IGF2BP1: variants seen among roughly 807,000 people sequenced by gnomAD.
IGF2BP1 encodes the protein insulin-like growth factor 2 mRNA-binding protein 1.
IGF2BP1 carries 11 observed loss-of-function variants against 74.9 expected under a neutral mutation model. The ratio of observed to expected loss-of-function variants is 0.15; its 90% CI spans 0.09 to 0.24. IGF2BP1 has a LOEUF of 0.24. Ranked by LOEUF, IGF2BP1 falls within the 10% of genes least tolerant of loss-of-function variation. The pLI, the probability that IGF2BP1 is intolerant of heterozygous loss-of-function variation, is 1.00. For synonymous variants in IGF2BP1, 287 were observed against 281.8 expected (o/e 1.02, Z -0.18); for missense variants, 440 against 757.4 (o/e 0.58, Z 4.92).
intron 4 of IGF2BP1, among the ~76,000 whole-genome samples, chr17:49,029,172 T>C (rs1393133760): frequency 1.3e-5 from 2 of 152,214 alleles, no homozygotes; most frequent in Non-Finnish European, 2.9e-5. Flanking sequence ...GCTTATTTAT[T>C]ATGCTTATTG....
intron 2 of IGF2BP1, among the ~76,000 whole-genome samples, chr17:49,020,292 T>G (rs2041776493): frequency 6.6e-6 from 1 of 151,974 alleles, no homozygotes; most frequent in Non-Finnish European, 1.5e-5. Flanking sequence ...CCCACCCACC[T>G]CGGTCTCCCA....
chr17:49,011,930 T>TA (rs1293035121), intron 2 of IGF2BP1, among the ~76,000 whole-genome samples: 3 of 130,530 alleles, frequency 2.3e-5, no homozygotes, highest in Admixed American at 1.7e-4. Flanking sequence ...TTTTGGGAGA[T>TA]AGAGTCTTGC....
intron 3 of IGF2BP1, 106 bp downstream of exon 3, chr17:49,025,772 G>T: frequency 1.1e-6 from 1 of 910,758 alleles, no homozygotes; most frequent in East Asian, 2.5e-5. Flanking sequence ...CTGGGGCCAG[G>T]CTAGGGAGGC....
At position 49,005,192 on chromosome 17, in the gene IGF2BP1, A is replaced by G. The variant is rs147021446; in HGVS notation, c.236+6023A>G. 1.5e-3 allele frequency among the ~76,000 whole-genome samples: 227 copies of G among 152,358 alleles called. 1 individual carries two copies. In the Middle Eastern group the frequency reaches 0.02, roughly 14 times the overall value. Reference sequence around the variant, plus strand: ...CTTTTGCTCTAACCATAGTTGACTGACAAAATATATGTTGATTACAGGTAA... The same window carrying G: ...CTTTTGCTCTAACCATAGTTGACTGGCAAAATATATGTTGATTACAGGTAA... On this transcript the variant is annotated intron_variant, in intron 2 of 14. Coordinates refer to ENST00000290341, the MANE Select transcript of IGF2BP1 (RefSeq NM_006546.4).
chr17:49,046,152 C>T, intron 13 of IGF2BP1, 108 bp from the exon 14 acceptor site: 1 of 1,437,604 alleles, frequency 7.0e-7, no homozygotes, highest in Non-Finnish European at 9.7e-7. Flanking sequence ...TCCCCAAGCT[C>T]AGGTCCTGAC....
At chr17:49,011,149 A>C (rs1268887812) in intron 2 of IGF2BP1, among the ~76,000 whole-genome samples, 86 of 146,934 alleles carry the variant, frequency 5.9e-4, no homozygotes, top group South Asian at 1.1e-3. Flanking sequence ...AAAAAAAAAA[A>C]AAAAAAAAAA....
chr17:49,029,437 C>T (rs768542923), intron 4 of IGF2BP1, among the ~76,000 whole-genome samples: 3 of 152,220 alleles, frequency 2.0e-5, no homozygotes, highest in Non-Finnish European at 4.4e-5. Context: ...ACTCTGATTA[C>T]GCCACTGTAC....
chr17:49,026,703 GCCTTCCTGCCTTCCTGCCTGCCTT>G (rs1457155275), intron 4 of IGF2BP1, among the ~76,000 whole-genome samples, 186 bp downstream of exon 4: 6 of 132,524 alleles, frequency 4.5e-5, no homozygotes, highest in Admixed American at 1.5e-4. Flanking sequence ...CTGCCTTCCT[GCCTTCCTGCCTTCCTGCCTGCCTT>G]CCTGCCTTCC....
chr17:49,031,650 G>T (rs2144081875), intron 4 of IGF2BP1, among the ~76,000 whole-genome samples: 1 of 151,984 alleles, frequency 6.6e-6, no homozygotes, highest in Admixed American at 6.6e-5. Flanking sequence ...GGGACTACAG[G>T]CACGTGCCAC....
At chr17:49,049,301 G>A in intron 14 of IGF2BP1, 51 bp from the exon 15 acceptor site, 1 of 1,514,430 alleles carries the variant, frequency 6.6e-7, no homozygotes, top group Non-Finnish European at 9.2e-7. Context: ...TCCGTGGAAG[G>A]CTGTCTCCTT....
chr17:49,041,800 G>GATTC (rs1305415755), intron 8 of IGF2BP1, among the ~76,000 whole-genome samples: 4 of 152,194 alleles, frequency 2.6e-5, no homozygotes, highest in Non-Finnish European at 5.9e-5. Context: ...AGGAGCCAGG[G>GATTC]ATTCAGGGCT....
intron 3 of IGF2BP1, among the ~76,000 whole-genome samples, 187 bp downstream of exon 3, chr17:49,025,853 C>CTTTTTTTTT (rs749731111): frequency 5.7e-5 from 8 of 140,404 alleles, no homozygotes; most frequent in Non-Finnish European, 7.6e-5. Context: ...TCTTTCTTTT[C>CTTTTTTTTT]TTTCTTTTTT....
chr17:49,013,750 A>G (rs2041653341), intron 2 of IGF2BP1: 1 of 152,158 alleles, frequency 6.6e-6, no homozygotes, highest in African/African-American at 2.4e-5. Flanking sequence ...CTCTGCAGAG[A>G]GACAAAGGGC....
intron 7 of IGF2BP1, 78 bp downstream of exon 7, chr17:49,040,169 A>G (rs2042034913): frequency 6.9e-7 from 1 of 1,455,884 alleles, no homozygotes; most frequent in Admixed American, 1.9e-5. Flanking sequence ...TCAAGCTTTT[A>G]TACAGACATA....
At chr17:49,044,467 C>T (rs919804489) in intron 11 of IGF2BP1, among the ~76,000 whole-genome samples, 5 of 152,226 alleles carry the variant, frequency 3.3e-5, no homozygotes, top group Admixed American at 2.6e-4. Flanking sequence ...CCTTCGCTCA[C>T]ATACTAACAC....
At position 49,010,373 on chromosome 17, in the gene IGF2BP1, G is replaced by C. The variant is rs1372739756; in HGVS notation, c.236+11204G>C. ...GCTCTGTCGCCCAGGCTGGAGTGCA[G>C]GGGCACGATCTTGGCTCACTGCAAG... On this transcript the variant is annotated intron_variant, in intron 2 of 14. Transcript: ENST00000290341. Among the ~76,000 whole-genome samples the C allele has an allele frequency of 8.8e-5, 13 of 147,296 alleles. No individual in the cohort carries two copies. The Admixed American group carries it at 8.9e-4, about 10-fold the overall frequency.
chr17:49,035,216 A>G (rs1443634623), intron 5 of IGF2BP1, among the ~76,000 whole-genome samples: 1 of 152,246 alleles, frequency 6.6e-6, no homozygotes, highest in Non-Finnish European at 1.5e-5. Context: ...TTTTCAACAA[A>G]TGATGCTGGG....
intron 14 of IGF2BP1, among the ~76,000 whole-genome samples, chr17:49,047,737 A>C (rs1401681406): frequency 6.9e-6 from 1 of 145,314 alleles, no homozygotes; most frequent in Non-Finnish European, 1.5e-5. Flanking sequence ...TTTTTGTGAC[A>C]GGGTCTCGCT....
intron 4 of IGF2BP1, 84 bp from the exon 5 acceptor site, chr17:49,031,826 A>G: frequency 1.6e-6 from 2 of 1,263,000 alleles, no homozygotes; most frequent in East Asian, 2.3e-5. Flanking sequence ...CTTGATCTCA[A>G]AACGTGGAAA....
Sources: gnomAD v4.1 joint callset for allele counts (sites outside exome capture counted in the v4.1 genomes callset) on GRCh38, gnomAD v4.1.1 for gene constraint, MANE v1.5 for transcripts, NCBI Gene and HGNC (gene_info 2026-07-23, HGNC 2026-07-21) for gene names.